The following MAP3K13 variants were observed in gnomAD, a reference collection of about 807,000 sequenced individuals.
MAP3K13 encodes the protein mitogen-activated protein kinase kinase kinase 13.
MAP3K13 carries 52 observed loss-of-function variants against 104.0 expected under a neutral mutation model. That is an observed-to-expected ratio of 0.50 (90% confidence interval 0.40 to 0.63). The LOEUF (loss-of-function observed/expected upper bound fraction) is 0.63. MAP3K13 is among the 20% of genes least tolerant of loss of function. The pLI is 0.00. For missense variants in MAP3K13, 914 were observed against 1,218.5 expected (o/e 0.75, Z 3.72); for synonymous variants, 394 against 442.2 (o/e 0.89, Z 1.37).
At chr3:185,380,165 G>A (rs558193390) in intron 1 of MAP3K13, among the ~76,000 whole-genome samples, 14 of 150,546 alleles carry the variant, frequency 9.3e-5, no homozygotes, top group Admixed American at 4.0e-4. Context: ...CAGCCTAGGC[G>A]ACAAAGTGAG....
chr3:185,391,106 C>A (rs1712026650), intron 1 of MAP3K13, among the ~76,000 whole-genome samples: 2 of 152,064 alleles, frequency 1.3e-5, no homozygotes. Flanking sequence ...TTTGAAGTGT[C>A]CAGTTCAACG....
At chr3:185,299,476 TAAC>T (rs992302508) in intron 2 of MAP3K13, among the ~76,000 whole-genome samples, 2 of 152,234 alleles carry the variant, frequency 1.3e-5, no homozygotes, top group Non-Finnish European at 1.5e-5. Context: ...ATGTGCTGTG[TAAC>T]AACATTTCAG....
intron 2 of MAP3K13, among the ~76,000 whole-genome samples, chr3:185,308,009 C>CTTTTTTTTTT (rs33949195): frequency 3.2e-5 from 1 of 31,564 alleles, no homozygotes; most frequent in Non-Finnish European, 5.7e-5. Context: ...TCTTTGGGGT[C>CTTTTTTTTTT]TTTTTTTTTT....
intron 1 of MAP3K13, among the ~76,000 whole-genome samples, chr3:185,366,934 G>A (rs1723917744): frequency 6.6e-6 from 1 of 152,018 alleles, no homozygotes. Flanking sequence ...TTTTAATTTT[G>A]ATGAAGTTCA....
intron 1 of MAP3K13, 83 bp downstream of exon 1, chr3:185,363,451 A>G: frequency 2.7e-6 from 2 of 743,040 alleles, no homozygotes; most frequent in Non-Finnish European, 3.3e-6. Flanking sequence ...TGAGGTGATT[A>G]GAAAGCTGAT....
chr3:185,388,573 C>G (rs973506045), intron 1 of MAP3K13, among the ~76,000 whole-genome samples: 1 of 151,986 alleles, frequency 6.6e-6, no homozygotes, highest in African/African-American at 2.4e-5. Context: ...GCTCATGGAT[C>G]GGAAGAATTA....
intron 2 of MAP3K13, among the ~76,000 whole-genome samples, chr3:185,356,425 T>C (rs1173333548): frequency 6.6e-6 from 1 of 152,196 alleles, no homozygotes; most frequent in African/African-American, 2.4e-5. Context: ...GATTGGCTTA[T>C]GTAATTGGGA....
intron 2 of MAP3K13, among the ~76,000 whole-genome samples, chr3:185,316,649 AG>A (rs1176347456): frequency 3.9e-5 from 6 of 152,190 alleles, no homozygotes; most frequent in Admixed American, 3.3e-4. Context: ...AGGAAAAAAC[AG>A]TTTTTTTGTT....
chr3:185,325,411 A>C (rs553490816), intron 2 of MAP3K13, among the ~76,000 whole-genome samples: 7 of 152,284 alleles, frequency 4.6e-5, no homozygotes, highest in Admixed American at 1.3e-4. Context: ...AGTCACATTC[A>C]TAGATTCCGG....
At chr3:185,399,575 T>C (rs1712637297) in intron 1 of MAP3K13, among the ~76,000 whole-genome samples, 1 of 142,670 alleles carries the variant, frequency 7.0e-6, no homozygotes, top group African/African-American at 2.6e-5. Context: ...ACCATTGCAC[T>C]CCAGCCTGGG....
chr3:185,451,485 TGTTATAATA>T, intron 7 of MAP3K13, 90 bp downstream of exon 7: 1 of 826,436 alleles, frequency 1.2e-6, no homozygotes, highest in Non-Finnish European at 2.1e-6. Context: ...CCATTGTGTT[TGTTATAATA>T]GTTATATAAC....
In MAP3K13 at chr3:185,471,358, C is replaced by T. The variant is rs189006016; in HGVS notation, c.1644-1617C>T. On this transcript the variant is annotated intron_variant, in intron 10 of 13. Transcript: ENST00000265026. ...ATAGGGTCTTGCTATGTTGCTCAGA[C>T]TGGTCTCAAACTCCTGGCCTCAAGC... 4.3e-3 allele frequency among the ~76,000 whole-genome samples: 589 copies of T among 136,110 alleles called. 3 individuals are homozygous for T. The highest frequency in any genetic ancestry group is 0.015 in the African/African-American group (531 of 35,976). The allele number at this position is 136,110 out of a possible 152,430, so 89.3% of individuals were successfully genotyped here.
intron 10 of MAP3K13, among the ~76,000 whole-genome samples, chr3:185,470,006 G>T (rs536712551): frequency 6.6e-6 from 1 of 152,286 alleles, no homozygotes; most frequent in Non-Finnish European, 1.5e-5. Flanking sequence ...CCAAGGGCTT[G>T]TACAGAGGTT....
intron 1 of MAP3K13, among the ~76,000 whole-genome samples, chr3:185,375,524 G>A (rs890712160): frequency 6.6e-6 from 1 of 152,192 alleles, no homozygotes; most frequent in African/African-American, 2.4e-5. Context: ...GGGCCTGTGA[G>A]GTTGGAAGGA....
chr3:185,318,215 G>A (rs1456520987), intron 2 of MAP3K13, among the ~76,000 whole-genome samples: 2 of 152,114 alleles, frequency 1.3e-5, no homozygotes, highest in Non-Finnish European at 2.9e-5. Flanking sequence ...CCATTGTGCA[G>A]CCCACAAAAT....
Position 185,450,096 on chromosome 3 carries a change from A to G in MAP3K13, c.1169+38A>G, listed in dbSNP as rs1169077053. On this transcript the variant is annotated intron_variant, in intron 6 of 13. Transcript: ENST00000265026. The surrounding 1 kb of genome is among the most constrained non-coding windows in gnomAD (Gnocchi z 4.2). Reference sequence around the variant, plus strand: ...TCTCTAAAACAATAGGGAGGTCTCTAATGTGTATTTGGAGTAAATATCCTG... The same window carrying G: ...TCTCTAAAACAATAGGGAGGTCTCTGATGTGTATTTGGAGTAAATATCCTG... 5.2e-6 allele frequency: 8 copies of G among 1,540,280 alleles called. No individual in the cohort carries two copies. The highest frequency in any genetic ancestry group is 7.0e-6 in the Non-Finnish European group (8 of 1,142,990).
intron 7 of MAP3K13, among the ~76,000 whole-genome samples, chr3:185,460,066 T>C (rs1415109530): frequency 6.6e-6 from 1 of 152,226 alleles, no homozygotes; most frequent in Non-Finnish European, 1.5e-5. Flanking sequence ...TATGGCTAAA[T>C]AATATTCCAT....
chr3:185,357,577 TC>T (rs1181962825), intron 2 of MAP3K13, among the ~76,000 whole-genome samples: 1 of 152,164 alleles, frequency 6.6e-6, no homozygotes, highest in African/African-American at 2.4e-5. Context: ...CTTTGCAAAC[TC>T]AGTATATTAT....
At position 185,313,753 on chromosome 3, in the gene MAP3K13, T is replaced by C. The variant is rs553219888; in HGVS notation, c.-86+28110T>C. On this transcript the variant is annotated intron_variant, in intron 2 of 14. Coordinates refer to the MAP3K13 transcript ENST00000424227. ...TAGTGGTGAAAAAAAAAAAGAAGGG[T>C]GAATTATTGTGAAGTTAATGATAGA... Among the ~76,000 whole-genome samples the C allele has an allele frequency of 2.8e-5, 4 of 142,996 alleles. No homozygotes were observed. The South Asian group carries it at 8.9e-4, about 32-fold the overall frequency. 93.8% of individuals were successfully genotyped at this position (142,996 alleles called of 152,430 possible).
Sources: gnomAD v4.1 joint callset for allele counts (sites outside exome capture counted in the v4.1 genomes callset) on GRCh38, gnomAD v4.1.1 for gene constraint, Gnocchi (gnomAD v3.1) non-coding constraint, MANE v1.5 for transcripts, NCBI Gene and HGNC (gene_info 2026-07-23, HGNC 2026-07-21) for gene names.